Variants in HDAC4 observed in about 807,000 individuals in gnomAD.
HDAC4 encodes histone deacetylase 4.
A neutral mutation model predicts 135.1 loss-of-function variants in HDAC4; 16 were observed. That is an observed-to-expected ratio of 0.12 (90% confidence interval 0.08 to 0.18). HDAC4 has a LOEUF of 0.18. Among genes scored for constraint, HDAC4 ranks in the 10% least tolerant of loss-of-function variants. The pLI, the probability that HDAC4 is intolerant of heterozygous loss-of-function variation, is 1.00. For missense variants in HDAC4, 1,143 were observed against 1,511.8 expected (o/e 0.76, Z 4.05); for synonymous variants, 685 against 653.4 (o/e 1.05, Z -0.74).
rs576477628 is a variant in HDAC4, at chr2:239,278,241, C to T, written c.23-41577G>A. ...GCATCAAGCCAAGTGGGGGTGACTT[C>T]ACCCTGAGGACCCTCCAGTGGCAGT... is the stretch of plus-strand genomic sequence containing the variant. On this transcript the variant is annotated intron_variant, in intron 2 of 26. Transcript: ENST00000543185. Among the ~76,000 whole-genome samples, 3 of 151,826 alleles carry T rather than the reference C, an allele frequency of 2.0e-5. No homozygotes were observed. In the South Asian group the frequency reaches 6.2e-4, roughly 32 times the overall value.
intron 4 of HDAC4, among the ~76,000 whole-genome samples, chr2:239,188,881 T>C (rs2044719486): frequency 6.6e-6 from 1 of 152,256 alleles, no homozygotes. Context: ...TGAGCCTGAA[T>C]GGAGCTCCTC....
intron 7 of HDAC4, among the ~76,000 whole-genome samples, chr2:239,152,110 T>C (rs748575258): frequency 2.6e-5 from 4 of 152,232 alleles, no homozygotes; most frequent in Non-Finnish European, 2.9e-5. Flanking sequence ...AAGATGTTAC[T>C]GGGGAAAACT....
chr2:239,088,777 A>G (rs555801988), intron 18 of HDAC4, among the ~76,000 whole-genome samples: 2 of 152,268 alleles, frequency 1.3e-5, no homozygotes, highest in Admixed American at 6.5e-5. Context: ...TTTCCAGTGA[A>G]AATTACAAGT....
In HDAC4 at chr2:239,115,452, C is replaced by T. The variant is rs562101926; in HGVS notation, c.1534-142G>A. 2.2e-4 allele frequency: 229 copies of T among 1,021,454 alleles called. No homozygotes were observed. In the African/African-American group the frequency reaches 2.9e-3, roughly 13 times the overall value. 63.3% of individuals were successfully genotyped at this position (1,021,454 alleles called of 1,614,324 possible). On this transcript the variant is annotated intron_variant, in intron 12 of 26. Transcript: ENST00000543185. This position sits in a 1 kb window ranked among gnomAD's most constrained non-coding sequence, Gnocchi z 6.3. ...ACCTTATCACCCTGCCACAGGCCAG[C>T]AGGCACCTTTATCTCCCAACAGGCA...
chr2:239,370,618 T>C (rs1236827430), intron 1 of HDAC4, among the ~76,000 whole-genome samples: 13 of 152,324 alleles, frequency 8.5e-5, no homozygotes, highest in African/African-American at 2.9e-4. Flanking sequence ...CGGCAACAGA[T>C]AGTGCAGAGC....
intron 4 of HDAC4, among the ~76,000 whole-genome samples, 179 bp from the exon 5 acceptor site, chr2:239,176,742 G>A (rs574227794): frequency 2.6e-5 from 4 of 152,234 alleles, no homozygotes; most frequent in South Asian, 2.1e-4. Flanking sequence ...GGGCCATTCC[G>A]GGCTCTGGGC....
rs2052715633 is a variant in HDAC4 at position 239,308,441 on chromosome 2, AG to A, written c.22+44236del. ...GTTCCTTAGCTTCCTGTTTTCAGAG[AG>A]TCTTCTTAGCAAAGTGAGGAATCTG... On this transcript the variant is annotated intron_variant, in intron 2 of 26. Transcript: ENST00000543185. This position sits in a 1 kb window ranked among gnomAD's most constrained non-coding sequence, Gnocchi z 4.2. Among the ~76,000 whole-genome samples, 1 of 150,064 alleles carries A rather than the reference AG, an allele frequency of 6.7e-6. No homozygotes were observed. The highest frequency in any genetic ancestry group is 6.7e-5 in the Admixed American group (1 of 14,944).
At chr2:239,120,404 C>G (rs1034676560) in intron 12 of HDAC4, among the ~76,000 whole-genome samples, 1 of 107,744 alleles carries the variant, frequency 9.3e-6, no homozygotes, top group Admixed American at 9.1e-5. Context: ...CGCACACAGA[C>G]ACACACACAC....
intron 2 of HDAC4, among the ~76,000 whole-genome samples, chr2:239,344,763 C>T (rs1462968558): frequency 6.6e-6 from 1 of 152,134 alleles, no homozygotes; most frequent in Non-Finnish European, 1.5e-5. Flanking sequence ...CTTTAGAAAG[C>T]GGAAGCAAGC....
At chr2:239,077,372 C>T (rs776273637) in intron 22 of HDAC4, among the ~76,000 whole-genome samples, 1 of 152,248 alleles carries the variant, frequency 6.6e-6, no homozygotes, top group Non-Finnish European at 1.5e-5. Context: ...CTTGGCCCCA[C>T]CAAGTGGGCA....
At chr2:239,372,576 C>A (rs1310010055) in intron 1 of HDAC4, among the ~76,000 whole-genome samples, 1 of 152,254 alleles carries the variant, frequency 6.6e-6, no homozygotes, top group Non-Finnish European at 1.5e-5. Flanking sequence ...CCCACTCCTA[C>A]ATCCCGGCCT....
chr2:239,170,415 T>C (rs2152988170), intron 5 of HDAC4, among the ~76,000 whole-genome samples: 1 of 152,350 alleles, frequency 6.6e-6, no homozygotes, highest in South Asian at 2.1e-4. Flanking sequence ...AAAAATGTCC[T>C]ATTTGGAAAA....
chr2:239,199,421 A>C (rs584293), intron 3 of HDAC4, among the ~76,000 whole-genome samples: 89,843 of 152,080 alleles, frequency 0.59, 27,191 homozygotes, highest in South Asian at 0.74. Context: ...GACCATTTCT[A>C]TAACGGGAAG....
At chr2:239,073,404 G>A (rs1254027525) in intron 22 of HDAC4, among the ~76,000 whole-genome samples, 2 of 152,246 alleles carry the variant, frequency 1.3e-5, no homozygotes, top group Admixed American at 1.3e-4. Flanking sequence ...GGAGGCACCT[G>A]ACCTCAGTCT....
chr2:239,361,305 T>C (rs1009943715), intron 1 of HDAC4, among the ~76,000 whole-genome samples: 1 of 152,124 alleles, frequency 6.6e-6, no homozygotes, highest in Non-Finnish European at 1.5e-5. Flanking sequence ...TGAAAGCAAA[T>C]TGCAAAAGAA....
intron 22 of HDAC4, among the ~76,000 whole-genome samples, chr2:239,080,119 G>A (rs1156397912): frequency 1.4e-5 from 2 of 147,918 alleles, no homozygotes. Flanking sequence ...GATGAACACC[G>A]ACCCACACAA....
Position 239,052,919 on chromosome 2 carries a change from G to T in HDAC4, c.*178C>A. ...CTGCCACGCCCAGGCGTGCATGTGC[G>T]TCTCGAGACCTGTGGGCCTGGGCGG... On this transcript the variant is annotated 3_prime_UTR_variant, in exon 27 of 27. Coordinates refer to ENST00000543185, the MANE Select transcript of HDAC4 (RefSeq NM_001378414.1). 1 of 704,092 alleles carries T rather than the reference G, an allele frequency of 1.4e-6. No individual in the cohort carries two copies. 43.6% of individuals were successfully genotyped at this position (704,092 alleles called of 1,614,324 possible).
At chr2:239,334,828 C>T (rs895243534) in intron 2 of HDAC4, among the ~76,000 whole-genome samples, 17 of 152,000 alleles carry the variant, frequency 1.1e-4, no homozygotes, top group African/African-American at 3.6e-4. Flanking sequence ...CAAGACCATC[C>T]TGGCTAACAC....
intron 2 of HDAC4, among the ~76,000 whole-genome samples, chr2:239,326,098 G>C (rs1371095290): frequency 2.0e-5 from 3 of 152,094 alleles, no homozygotes; most frequent in Non-Finnish European, 2.9e-5. Context: ...TAGTCACAAT[G>C]GCCAAAAAGT....
Sources: allele counts gnomAD v4.1 joint callset (sites outside exome capture counted in the v4.1 genomes callset), GRCh38; gene constraint gnomAD v4.1.1; non-coding constraint Gnocchi (gnomAD v3.1); transcripts MANE v1.5; gene names NCBI Gene and HGNC (gene_info 2026-07-23, HGNC 2026-07-21).